RBMS1: variants seen among roughly 807,000 people sequenced by gnomAD.
RBMS1 encodes RNA-binding motif, single-stranded-interacting protein 1.
A neutral mutation model predicts 62.3 loss-of-function variants in RBMS1; 17 were observed. The ratio of observed to expected loss-of-function variants is 0.27; its 90% CI spans 0.19 to 0.41. The LOEUF (loss-of-function observed/expected upper bound fraction) is 0.41. Ranked by LOEUF, RBMS1 falls within the 10% of genes least tolerant of loss-of-function variation. The pLI, the probability that RBMS1 is intolerant of heterozygous loss-of-function variation, is 1.00. For synonymous variants in RBMS1, 172 were observed against 170.0 expected (o/e 1.01, Z -0.09); for missense variants, 334 against 504.5 (o/e 0.66, Z 3.24).
intron 1 of RBMS1, among the ~76,000 whole-genome samples, chr2:160,482,672 T>C (rs1304247330): frequency 1.3e-5 from 2 of 152,248 alleles, no homozygotes; most frequent in Non-Finnish European, 2.9e-5. Flanking sequence ...CATTCACTTA[T>C]ATTTAAAATA....
chr2:160,411,205 C>G lies in RBMS1; in HGVS notation c.76-43814G>C, dbSNP rs560872160. On this transcript the variant is annotated intron_variant, in intron 1 of 13. Coordinates refer to ENST00000348849, the MANE Select transcript of RBMS1 (RefSeq NM_016836.4). Reference sequence around the variant, plus strand: ...ACCTGGCTGGGACTGAAAAAATGAGCAGGACCAATCCAATTCTCACCCTTG... The same window carrying G: ...ACCTGGCTGGGACTGAAAAAATGAGGAGGACCAATCCAATTCTCACCCTTG... 7.2e-5 allele frequency among the ~76,000 whole-genome samples: 11 copies of G among 152,318 alleles called. No homozygotes were observed. The South Asian group carries it at 2.3e-3, about 32-fold the overall frequency.
At chr2:160,490,090 A>C (rs1368512189) in intron 1 of RBMS1, among the ~76,000 whole-genome samples, 1 of 152,116 alleles carries the variant, frequency 6.6e-6, no homozygotes, top group Non-Finnish European at 1.5e-5. Context: ...CAAATCTTTA[A>C]GTTAAAATAT....
At chr2:160,310,407 A>T (rs569387277) in intron 4 of RBMS1, among the ~76,000 whole-genome samples, 1 of 152,230 alleles carries the variant, frequency 6.6e-6, no homozygotes, top group Admixed American at 6.5e-5. Context: ...AAACATCTAC[A>T]TATGAGTCTG....
intron 1 of RBMS1, among the ~76,000 whole-genome samples, chr2:160,421,728 C>T (rs1574037527): frequency 6.6e-6 from 1 of 152,338 alleles, no homozygotes; most frequent in Middle Eastern, 3.4e-3. Flanking sequence ...GCCACACTGT[C>T]TTCCACAATG....
chr2:160,333,847 A>G (rs1691419793), intron 2 of RBMS1, among the ~76,000 whole-genome samples: 1 of 152,170 alleles, frequency 6.6e-6, no homozygotes, highest in African/African-American at 2.4e-5. Context: ...TCAGGAGATA[A>G]CAAACCCGTT....
At chr2:160,460,996 C>T (rs1351067621) in intron 1 of RBMS1, among the ~76,000 whole-genome samples, 1 of 152,334 alleles carries the variant, frequency 6.6e-6, no homozygotes, top group African/African-American at 2.4e-5. Context: ...AGGTGGCTCA[C>T]GCCTGTAATC....
chr2:160,323,220 A>C (rs1690681433), intron 2 of RBMS1, among the ~76,000 whole-genome samples: 1 of 151,352 alleles, frequency 6.6e-6, no homozygotes, highest in African/African-American at 2.4e-5. Context: ...TCACGCCTGT[A>C]ATCCCAGCAC....
intron 1 of RBMS1, among the ~76,000 whole-genome samples, chr2:160,459,623 A>T (rs1684383202): frequency 6.6e-6 from 1 of 152,200 alleles, no homozygotes; most frequent in South Asian, 2.1e-4. Flanking sequence ...AAAATCATGT[A>T]TTATTTCACA....
chr2:160,458,742 A>G (rs1684345507), intron 1 of RBMS1, among the ~76,000 whole-genome samples: 1 of 151,876 alleles, frequency 6.6e-6, no homozygotes, highest in Admixed American at 6.6e-5. Context: ...AGTTGCAGTG[A>G]GCCGAGATCG....
chr2:160,390,222 T>G (rs1383828893), intron 1 of RBMS1, among the ~76,000 whole-genome samples: 1 of 152,090 alleles, frequency 6.6e-6, no homozygotes, highest in Non-Finnish European at 1.5e-5. Flanking sequence ...TGTTCTAATG[T>G]AATAAAGAGC....
intron 1 of RBMS1, among the ~76,000 whole-genome samples, chr2:160,464,708 C>T (rs563212601): frequency 2.0e-5 from 3 of 152,192 alleles, no homozygotes; most frequent in Admixed American, 6.5e-5. Flanking sequence ...AAAAGTCACA[C>T]ATTTTCTTGA....
intron 1 of RBMS1, among the ~76,000 whole-genome samples, chr2:160,482,941 T>C (rs960064703): frequency 2.0e-5 from 3 of 152,190 alleles, no homozygotes; most frequent in African/African-American, 7.2e-5. Flanking sequence ...GCTCAAAGGA[T>C]GTGTACTGAA....
chr2:160,305,470 T>C (rs1689449676), intron 4 of RBMS1, among the ~76,000 whole-genome samples: 1 of 152,242 alleles, frequency 6.6e-6, no homozygotes, highest in Non-Finnish European at 1.5e-5. Context: ...CAAGAGGCTA[T>C]ACCACATAGC....
intron 1 of RBMS1, among the ~76,000 whole-genome samples, chr2:160,471,716 T>TATAA (rs371634389): frequency 0.016 from 1,185 of 76,222 alleles, 96 homozygotes; most frequent in African/African-American, 0.044. Flanking sequence ...TATATATATA[T>TATAA]AACCTTTCAT....
chr2:160,449,425 T>TA (rs1683861676), intron 1 of RBMS1, among the ~76,000 whole-genome samples: 1 of 152,236 alleles, frequency 6.6e-6, no homozygotes, highest in African/African-American at 2.4e-5. Flanking sequence ...ATCAGATTGT[T>TA]ACTGTGTCTG....
intron 4 of RBMS1, among the ~76,000 whole-genome samples, chr2:160,308,234 A>G (rs368669268): frequency 1.3e-5 from 2 of 152,074 alleles, no homozygotes; most frequent in Non-Finnish European, 2.9e-5. Flanking sequence ...TCTCTGCAAA[A>G]AAATACAAAA....
chr2:160,382,288 T>C (rs891191189), intron 1 of RBMS1, among the ~76,000 whole-genome samples: 2 of 152,196 alleles, frequency 1.3e-5, no homozygotes, highest in Non-Finnish European at 2.9e-5. Context: ...ATCATATCAT[T>C]TTCCTCACTG....
chr2:160,421,144 C>CT (rs913881647), intron 1 of RBMS1, among the ~76,000 whole-genome samples: 39 of 147,220 alleles, frequency 2.6e-4, no homozygotes, highest in South Asian at 4.3e-4. Flanking sequence ...ATTCTTTTTT[C>CT]TTTTTTTTTT....
At chr2:160,468,395 T>C (rs749228610) in intron 1 of RBMS1, among the ~76,000 whole-genome samples, 2 of 152,222 alleles carry the variant, frequency 1.3e-5, no homozygotes, top group African/African-American at 2.4e-5. Context: ...AACATGGTTA[T>C]GGCACAGTTA....
Sources: gnomAD v4.1 joint callset for allele counts (sites outside exome capture counted in the v4.1 genomes callset) on GRCh38, gnomAD v4.1.1 for gene constraint, MANE v1.5 for transcripts, NCBI Gene and HGNC (gene_info 2026-07-23, HGNC 2026-07-21) for gene names.